ADAMTS8: variants seen among roughly 807,000 people sequenced by gnomAD.
ADAMTS8 encodes A disintegrin and metalloproteinase with thrombospondin motifs 8.
Under a neutral mutation model 64.4 loss-of-function variants are expected in ADAMTS8, and 50 were observed. That is an observed-to-expected ratio of 0.78 (90% CI 0.62 to 0.98). ADAMTS8 has a LOEUF of 0.98. Ranked by LOEUF, ADAMTS8 falls within the 50% of genes least tolerant of loss-of-function variation. The pLI is 0.00. For synonymous variants in ADAMTS8, 556 were observed against 533.6 expected, an observed-to-expected ratio of 1.04 and a Z score of -0.58; for missense variants, 1,192 against 1,208.2, an observed-to-expected ratio of 0.99 and a Z score of 0.20.
chr11:130,408,659 G>A lies in ADAMTS8; in HGVS notation c.1924-20C>T. On this transcript the variant is annotated intron_variant, in intron 7 of 8. Coordinates refer to ENST00000257359, the MANE Select transcript of ADAMTS8 (RefSeq NM_007037.6). ...AATCACCTGCAACGGGGAAAGGGAAGGTGAGGGAGGGCGTGTTGAGCACAG... is the reference window on the plus strand; with the variant it reads ...AATCACCTGCAACGGGGAAAGGGAAAGTGAGGGAGGGCGTGTTGAGCACAG... 4 of 1,613,516 alleles carry A rather than the reference G, an allele frequency of 2.5e-6. No individual in the cohort carries two copies. Among genetic ancestry groups the A allele is most frequent in the Non-Finnish European group, 3.4e-6 (4 of 1,179,550 alleles).
chr11:130,418,592 G>A (rs1862057670), intron 2 of ADAMTS8, among the ~76,000 whole-genome samples: 1 of 152,264 alleles, frequency 6.6e-6, no homozygotes, highest in African/African-American at 2.4e-5. Flanking sequence ...GGAGCAGACA[G>A]GGCCTGGCAC....
intron 1 of ADAMTS8, among the ~76,000 whole-genome samples, chr11:130,423,293 C>T (rs1374202764): frequency 6.6e-6 from 1 of 152,216 alleles, no homozygotes; most frequent in Non-Finnish European, 1.5e-5. Flanking sequence ...ATCATTCTGA[C>T]TGCAGCAGAC....
At position 130,414,795 on chromosome 11, in the gene ADAMTS8, G is replaced by A. The variant is rs1862000219; in HGVS notation, c.1302C>T (p.Pro434=). Residue 434 remains proline, a synonymous_variant, in exon 5 of 9, where the codon CCC becomes CCT. Transcript: ENST00000257359. ...CLLDAPAAAL[P]LPTGLPGRMA... ...TGCGGCCCGGGAGGCCTGTGGGGAGGGGCAGGGCCGCAGCAGGGGCATCCA... is the reference window on the plus strand; with the variant it reads ...TGCGGCCCGGGAGGCCTGTGGGGAGAGGCAGGGCCGCAGCAGGGGCATCCA... 6.2e-7 allele frequency: 1 copy of A among 1,611,910 alleles called. No homozygotes were observed. The highest frequency in any genetic ancestry group is 8.5e-7 in the Non-Finnish European group (1 of 1,179,078).
chr11:130,427,981 G>C lies in ADAMTS8; in HGVS notation c.306C>G (p.Phe102Leu). Reference sequence around the variant, plus strand: ...CGGGCTCCCCATTCACGGTGCCGGAGAAGAAGCAGCCGCGCAGCCCCCGCT... The same window carrying C: ...CGGGCTCCCCATTCACGGTGCCGGACAAGAAGCAGCCGCGCAGCCCCCGCT... ...GGERGLRGCFFSGTVNGEPES... is the reference protein window; with the variant it reads ...GGERGLRGCFLSGTVNGEPES... Residue 102 changes from phenylalanine to leucine, a missense_variant, in exon 1 of 9, where the codon TTC (phenylalanine) becomes TTG (leucine). This residue lies in a region of ADAMTS8 where 741 missense variants were observed against 710.6 expected (regional missense o/e 1.04). Transcript: ENST00000257359. The C allele has an allele frequency of 6.5e-7, 1 of 1,530,312 alleles. No homozygotes were observed. Among genetic ancestry groups the C allele is most frequent in the Non-Finnish European group, 8.7e-7 (1 of 1,144,932 alleles). 94.8% of individuals were successfully genotyped at this position (1,530,312 alleles called of 1,614,324 possible). A position where few individuals can be genotyped will look rare whatever the true frequency, so the allele number is the denominator to read the frequency against.
intron 8 of ADAMTS8, among the ~76,000 whole-genome samples, chr11:130,407,331 A>G (rs1045976530): frequency 2.6e-5 from 4 of 152,152 alleles, no homozygotes; most frequent in African/African-American, 9.7e-5. Context: ...GTGCCACCGC[A>G]CTCCAGCCTA....
Position 130,428,264 on chromosome 11 carries a change from G to A in ADAMTS8, c.23C>T (p.Pro8Leu), listed in dbSNP as rs1862209610. Residue 8 changes from proline to leucine, a missense_variant, in exon 1 of 9, where the codon CCC (proline) becomes CTC (leucine). By Grantham distance (98) the Pro-to-Leu change is moderately conservative (BLOSUM62 -3). Coordinates refer to ENST00000257359, the MANE Select transcript of ADAMTS8 (RefSeq NM_007037.6). ...CAGCAGCAGGAGCGGAGGCCACCGG[G>A]GGGCGGCGGGGGCGGGGAGCATGGG... Reference protein sequence around the residue: MLPAPAAPRWPPLLLLLL... With the variant: MLPAPAALRWPPLLLLLL... 2 of 1,209,252 alleles carry A rather than the reference G, an allele frequency of 1.7e-6. No individual in the cohort carries two copies. Among genetic ancestry groups the A allele is most frequent in the South Asian group, 3.5e-5 (1 of 28,514 alleles). 74.9% of individuals were successfully genotyped at this position (1,209,252 alleles called of 1,614,324 possible). A position where few individuals can be genotyped will look rare whatever the true frequency, so the allele number is the denominator to read the frequency against.
In ADAMTS8 at chr11:130,428,222, G is replaced by GGCAGCAGCAGCA. The variant is rs10548872; in HGVS notation, c.53_64dup (p.Leu18_Leu21dup). The GGCAGCAGCAGCA allele has an allele frequency of 2.1e-4, 252 of 1,199,582 alleles. 2 individuals are homozygous for GGCAGCAGCAGCA. The highest frequency in any genetic ancestry group is 2.7e-4 in the Admixed American group (6 of 22,064). The allele number at this position is 1,199,582 out of a possible 1,614,324, so 74.3% of individuals were successfully genotyped here. Reference sequence around the variant, plus strand: ...CCGGGCCGGGGCGCCGCGGGCCAGCGGCAGCAGCAGCAGCAGCAGCAGCAG... The same window carrying GGCAGCAGCAGCA: ...CCGGGCCGGGGCGCCGCGGGCCAGCGGCAGCAGCAGCAGCAGCAGCAGCAGCAGCAGCAGCAG... On this transcript the variant is annotated inframe_insertion, in exon 1 of 9. Transcript: ENST00000257359.
In ADAMTS8 at chr11:130,411,716, T is replaced by A; in HGVS notation, c.1567-116A>T. ...ATCTAGTCATTATCATCTTGGTGCA[T>A]GGAGTGCCGTAAACTGCCTCAATCA... is the stretch of plus-strand genomic sequence containing the variant. On this transcript the variant is annotated intron_variant, in intron 5 of 8. Transcript: ENST00000257359. This position sits in a 1 kb window ranked among gnomAD's most constrained non-coding sequence, Gnocchi z 4.2. The A allele has an allele frequency of 3.8e-6, 4 of 1,065,642 alleles. No homozygotes were observed. Among genetic ancestry groups the A allele is most frequent in the Non-Finnish European group, 5.4e-6 (4 of 734,824 alleles). The allele number at this position is 1,065,642 out of a possible 1,614,324, so 66.0% of individuals were successfully genotyped here. A position where few individuals can be genotyped will look rare whatever the true frequency, so the allele number is the denominator to read the frequency against.
chr11:130,417,128 C>T (rs74349176), intron 2 of ADAMTS8, 53 bp from the exon 3 acceptor site: 1 of 1,602,280 alleles, frequency 6.2e-7, no homozygotes, highest in East Asian at 2.2e-5. Flanking sequence ...GTGGGGTGCG[C>T]TGCAGGCCTG....
intron 1 of ADAMTS8, among the ~76,000 whole-genome samples, chr11:130,424,845 C>G (rs999018408): frequency 6.6e-5 from 10 of 152,130 alleles, no homozygotes; most frequent in African/African-American, 2.4e-4. Context: ...CAGTCCCTCC[C>G]CCACCCGCCA....
chr11:130,405,995 T>C lies in ADAMTS8; in HGVS notation c.2233A>G (p.Asn745Asp), dbSNP rs1393460221. Residue 745 changes from asparagine (N) to aspartate (D), a missense_variant, in exon 9 of 9, where the codon AAC (asparagine) becomes GAC (aspartate). By Grantham distance (23) the Asn-to-Asp change is conservative. Transcript: ENST00000257359. ...LKTADGQYLL[N>D]GNLAISAIEQ... is the part of the protein sequence containing the mutation. ...ATGGCAGAGATGGCCAGGTTGCCGT[T>C]GAGCAGGTACTGCCCATCAGCCGTC... 3 of 1,614,202 alleles carry C rather than the reference T, an allele frequency of 1.9e-6. No individual in the cohort carries two copies. Among genetic ancestry groups the C allele is most frequent in the East Asian group, 2.2e-5 (1 of 44,886 alleles).
At chr11:130,424,202 G>C (rs557171159) in intron 1 of ADAMTS8, among the ~76,000 whole-genome samples, 8 of 152,336 alleles carry the variant, frequency 5.3e-5, no homozygotes, top group African/African-American at 1.9e-4. Flanking sequence ...CGCCTGGTGG[G>C]ATAACAGTGC....
At chr11:130,412,088 C>A (rs953338285) in intron 5 of ADAMTS8, 7 of 160,754 alleles carry the variant, frequency 4.4e-5, no homozygotes, top group Admixed American at 1.2e-4. Flanking sequence ...TAACAATTAT[C>A]CAGTCCTAAG....
rs1002912133 is a variant in ADAMTS8, at chr11:130,416,332, T to C, written c.1097-2A>G. On this transcript the variant is annotated splice_acceptor_variant, in intron 3 of 8. Coordinates refer to ENST00000257359, the MANE Select transcript of ADAMTS8 (RefSeq NM_007037.6). LOFTEE classifies it high-confidence loss of function. The surrounding 1 kb of genome is among the most constrained non-coding windows in gnomAD (Gnocchi z 4.8). ...CGTGGGGCATGCTGAGGACGTGCCC[T>C]GGGGAGAGAGGCCTGGTCCACTCCG... 7 of 1,557,292 alleles carry C rather than the reference T, an allele frequency of 4.5e-6. No individual in the cohort carries two copies. The highest frequency in any genetic ancestry group is 1.4e-5 in the African/African-American group (1 of 73,684).
At chr11:130,407,847 T>C (rs746439284) in intron 8 of ADAMTS8, among the ~76,000 whole-genome samples, 47 of 152,346 alleles carry the variant, frequency 3.1e-4, no homozygotes, top group Non-Finnish European at 5.7e-4. Flanking sequence ...AGGAATAGTA[T>C]TGGCCTTGCT....
intron 4 of ADAMTS8, among the ~76,000 whole-genome samples, chr11:130,415,578 C>T (rs1049109989): frequency 3.5e-5 from 5 of 141,934 alleles, no homozygotes; most frequent in East Asian, 2.1e-4. Context: ...GCTGGGATTA[C>T]GGGCAGAAGC....
chr11:130,428,410 G>T lies in ADAMTS8; in HGVS notation c.-124C>A, dbSNP rs1343509415. On this transcript the variant is annotated 5_prime_UTR_variant, in exon 1 of 9. Transcript: ENST00000257359. ...AAAAGCGGAATCAATCGGGTGCAAG[G>T]CCGACTCGGCCCGCGGGGCCCGGCG... 2.3e-5 allele frequency: 26 copies of T among 1,109,960 alleles called. No homozygotes were observed. Among genetic ancestry groups the T allele is most frequent in the Non-Finnish European group, 2.9e-5 (26 of 908,514 alleles). The allele number at this position is 1,109,960 out of a possible 1,614,324, so 68.8% of individuals were successfully genotyped here.
chr11:130,428,227 CA>C lies in ADAMTS8; in HGVS notation c.59del (p.Leu20ArgfsTer56), dbSNP rs1313341780. On this transcript the variant is annotated frameshift_variant, in exon 1 of 9. Transcript: ENST00000257359. LOFTEE classifies it high-confidence loss of function. The part of the protein sequence containing the change: ...WPPLLLLLLL[L>X]LPLARGAPAR... ...CCGGGGCGCCGCGGGCCAGCGGCAGCAGCAGCAGCAGCAGCAGCAGGAGCGG... is the reference window on the plus strand; with the variant it reads ...CCGGGGCGCCGCGGGCCAGCGGCAGCGCAGCAGCAGCAGCAGCAGGAGCGG... 1.6e-5 allele frequency: 15 copies of C among 933,042 alleles called. No individual in the cohort carries two copies. Among genetic ancestry groups the C allele is most frequent in the East Asian group, 4.3e-5 (1 of 23,120 alleles). The allele number at this position is 933,042 out of a possible 1,614,324, so 57.8% of individuals were successfully genotyped here.
Position 130,406,039 on chromosome 11 carries a change from C to A in ADAMTS8, c.2189G>T (p.Gly730Val). 6.2e-7 allele frequency: 1 copy of A among 1,614,192 alleles called. No homozygotes were observed. The highest frequency in any genetic ancestry group is 2.2e-5 in the East Asian group (1 of 44,886). The change falls in exon 9 of 9, where the codon GGG becomes GTG. Residue 730 changes from glycine (G) to valine (V), a missense_variant. Gly to Val is a moderately radical substitution (Grantham distance 109). Transcript: ENST00000257359. ...QRSHPGVQND[G>V]NYLALKTADG... Reference sequence around the variant, plus strand: ...AGCCGTCTTCAGCGCCAGGTAGTTCCCATCGTTCTGCACACCCGGGTGGCT... The same window carrying A: ...AGCCGTCTTCAGCGCCAGGTAGTTCACATCGTTCTGCACACCCGGGTGGCT...
Sources: allele counts gnomAD v4.1 joint callset (sites outside exome capture counted in the v4.1 genomes callset), GRCh38; gene constraint gnomAD v4.1.1; regional missense constraint gnomAD v4.1.1; non-coding constraint Gnocchi (gnomAD v3.1); transcripts MANE v1.5; gene names NCBI Gene and HGNC (gene_info 2026-07-23, HGNC 2026-07-21).